CFAP70: variants seen among roughly 807,000 people sequenced by gnomAD.
The protein encoded by CFAP70 is cilia- and flagella-associated protein 70.
CFAP70 carries 81 observed loss-of-function variants against 137.6 expected under a neutral mutation model. The ratio of observed to expected loss-of-function variants is 0.59; its 90% CI spans 0.49 to 0.71. CFAP70 has a LOEUF of 0.71. Among genes scored for constraint, CFAP70 ranks in the 30% least tolerant of loss-of-function variants. The pLI is 0.00. For synonymous variants in CFAP70, 382 were observed against 423.6 expected (o/e 0.90, Z 1.20); for missense variants, 976 against 1,226.7 (o/e 0.80, Z 3.05).
Position 73,283,581 on chromosome 10 carries a change from A to C in CFAP70, c.2240-5244T>G, listed in dbSNP as rs1258883363. 2.6e-5 allele frequency among the ~76,000 whole-genome samples: 4 copies of C among 151,982 alleles called. No individual in the cohort carries two copies. In the South Asian group the frequency reaches 8.3e-4, roughly 31 times the overall value. ...GAATTAACCCTGTTATTGTTCTTTA[A>C]TGTTTCTCTTTGTCTCAATTGATTT... is the stretch of plus-strand genomic sequence containing the variant. On this transcript the variant is annotated intron_variant, in intron 19 of 26. Transcript: ENST00000310715.
At chr10:73,331,441 G>A (rs1411622341) in intron 7 of CFAP70, among the ~76,000 whole-genome samples, 165 bp from the exon 9 acceptor site, 1 of 152,178 alleles carries the variant, frequency 6.6e-6, no homozygotes, top group African/African-American at 2.4e-5. Context: ...AGCACTTTGA[G>A]AGGCCAAGGC....
At chr10:73,348,546 T>C (rs2053922090) in intron 3 of CFAP70, 25 bp from the exon 4 acceptor site, 1 of 1,440,692 alleles carries the variant, frequency 6.9e-7, no homozygotes, top group Non-Finnish European at 9.4e-7. Flanking sequence ...ACAAAGAAAA[T>C]GAGACATTTA....
chr10:73,316,508 A>ATATC (rs1229390542), intron 9 of CFAP70, among the ~76,000 whole-genome samples: 2 of 143,636 alleles, frequency 1.4e-5, no homozygotes, highest in Non-Finnish European at 3.0e-5. Flanking sequence ...ATATATATAT[A>ATATC]TATATGACGT....
intron 3 of CFAP70, 150 bp downstream of exon 3, chr10:73,353,406 T>A: frequency 2.7e-6 from 2 of 729,490 alleles, no homozygotes; most frequent in Non-Finnish European, 2.2e-6. Context: ...TTTCAGTTCC[T>A]GCCTTGCTTC....
At chr10:73,277,462 C>A in intron 20 of CFAP70, 101 bp from the exon 22 acceptor site, 1 of 1,335,566 alleles carries the variant, frequency 7.5e-7, no homozygotes, top group Non-Finnish European at 1.0e-6. Context: ...CGCCTGTAAT[C>A]CCAGCACTTT....
chr10:73,352,331 A>G (rs1260588075), intron 3 of CFAP70, among the ~76,000 whole-genome samples: 1 of 152,218 alleles, frequency 6.6e-6, no homozygotes, highest in Non-Finnish European at 1.5e-5. Flanking sequence ...CTCTCCACTC[A>G]GCTTGATTGA....
chr10:73,331,106 T>G, intron 8 of CFAP70, 71 bp downstream of exon 9: 1 of 1,070,128 alleles, frequency 9.3e-7, no homozygotes, highest in Non-Finnish European at 1.4e-6. Context: ...GGTATCAGAA[T>G]TGAAGCAGAA....
chr10:73,278,273 AT>A lies in CFAP70; in HGVS notation c.2303del (p.Asp768ValfsTer7). The A allele has an allele frequency of 1.2e-6, 2 of 1,614,112 alleles. No homozygotes were observed. The highest frequency in any genetic ancestry group is 1.7e-6 in the Non-Finnish European group (2 of 1,179,978). ...GTGTAGTCAAAATGGGTTCTTGTGA[AT>A]CAGACTGCAGTTTGGAGGATTCTTC... On this transcript the variant is annotated frameshift_variant, in exon 20 of 27. Transcript: ENST00000310715. LOFTEE classifies it high-confidence loss of function.
exon 27 of CFAP70, chr10:73,253,839 A>T: frequency 1.7e-6 from 1 of 598,100 alleles, no homozygotes; most frequent in Non-Finnish European, 2.8e-6. Context: ...AACACAGCCA[A>T]TGGAAATAAA....
At chr10:73,358,451 A>G (rs995434697) in intron 1 of CFAP70, among the ~76,000 whole-genome samples, 4 of 152,236 alleles carry the variant, frequency 2.6e-5, no homozygotes, top group African/African-American at 9.6e-5. Flanking sequence ...GGACAAGCGC[A>G]GTCAGCGCAG....
chr10:73,293,305 T>A, exon 16 of CFAP70: 2 of 1,612,484 alleles, frequency 1.2e-6, no homozygotes. Flanking sequence ...TCTCATTGAC[T>A]TCTGCTTCAA....
rs529422818 is a variant in CFAP70 at position 73,344,459 on chromosome 10, A to G, written c.399+606T>C. 4.6e-5 allele frequency among the ~76,000 whole-genome samples: 7 copies of G among 152,322 alleles called. No homozygotes were observed. The South Asian group carries it at 1.4e-3, about 32-fold the overall frequency. On this transcript the variant is annotated intron_variant, in intron 5 of 26. Coordinates refer to ENST00000310715, the Ensembl canonical transcript of CFAP70. ...CCCCGGAAGGGTGATCAGCCATCTC[A>G]TTTGCCTAGGACTGTCCCAGTTGTG...
chr10:73,299,178 GT>G, intron 13 of CFAP70, 77 bp from the exon 15 acceptor site: 1 of 1,083,716 alleles, frequency 9.2e-7, no homozygotes, highest in Non-Finnish European at 1.3e-6. Context: ...ACTGGATTTG[GT>G]TTTATGTTCC....
chr10:73,273,471 A>C (rs1376266767), intron 23 of CFAP70, among the ~76,000 whole-genome samples: 1 of 152,234 alleles, frequency 6.6e-6, no homozygotes, highest in Non-Finnish European at 1.5e-5. Context: ...ATTTTAGAAA[A>C]ACTCAGAAGA....
chr10:73,327,827 C>T (rs1016369548), intron 8 of CFAP70, among the ~76,000 whole-genome samples: 8 of 151,890 alleles, frequency 5.3e-5, no homozygotes, highest in African/African-American at 1.9e-4. Flanking sequence ...CACTGCTCAA[C>T]AAAATAAAAG....
At chr10:73,290,254 G>A (rs75805372) in intron 19 of CFAP70, among the ~76,000 whole-genome samples, 2 of 152,044 alleles carry the variant, frequency 1.3e-5, no homozygotes, top group South Asian at 2.1e-4. Context: ...ATTATGCATA[G>A]ATAAAAAAGA....
chr10:73,323,229 G>C lies in CFAP70; in HGVS notation c.778-132C>G, dbSNP rs73272340. 3.1e-4 allele frequency: 228 copies of C among 735,790 alleles called. 1 individual carries two copies. In the African/African-American group the frequency reaches 3.8e-3, roughly 12 times the overall value. 45.6% of individuals were successfully genotyped at this position (735,790 alleles called of 1,614,324 possible). A position where few individuals can be genotyped will look rare whatever the true frequency, so the allele number is the denominator to read the frequency against. On this transcript the variant is annotated intron_variant, in intron 8 of 26. Transcript: ENST00000310715. ...TACTTAGCCAGTTATGTGACTTTGG[G>C]CCAGTTACATAAGACATTTTGGGCC...
rs564197005 is a variant in CFAP70 at position 73,265,868 on chromosome 10, T to G, written c.3027+3746A>C. ...TCTTACTCTTTCTTTCATACTGTCA[T>G]AGCTATTTTTTTTTTTTTGGTCTTT... On this transcript the variant is annotated intron_variant, in intron 25 of 26. Transcript: ENST00000310715. Among the ~76,000 whole-genome samples the G allele has an allele frequency of 1.5e-4, 22 of 146,376 alleles. No individual in the cohort carries two copies. The South Asian group carries it at 4.9e-3, about 32-fold the overall frequency.
At position 73,274,421 on chromosome 10, in the gene CFAP70, T is replaced by C; in HGVS notation, c.2835+12A>G. 6.2e-7 allele frequency: 1 copy of C among 1,605,432 alleles called. No homozygotes were observed. Among genetic ancestry groups the C allele is most frequent in the Non-Finnish European group, 8.5e-7 (1 of 1,177,112 alleles). On this transcript the variant is annotated intron_variant, in intron 23 of 26. Coordinates refer to ENST00000310715, the Ensembl canonical transcript of CFAP70. ...CAGACCACGGGGTTATTCCCCATTC[T>C]CTACCCCTCACCTCTTTCTCTTCCA...
Sources: allele counts gnomAD v4.1 joint callset (sites outside exome capture counted in the v4.1 genomes callset), GRCh38; gene constraint gnomAD v4.1.1; transcripts MANE v1.5; gene names NCBI Gene and HGNC (gene_info 2026-07-23, HGNC 2026-07-21).